The following IRAG1 variants were observed in gnomAD, a reference collection of about 807,000 sequenced individuals.
IRAG1 encodes the protein inositol 1,4,5-triphosphate receptor associated 1.
IRAG1 carries 62 observed loss-of-function variants against 106.2 expected under a neutral mutation model. That is an observed-to-expected ratio of 0.58 (90% CI 0.48 to 0.72). The LOEUF (loss-of-function observed/expected upper bound fraction) is 0.72. IRAG1 is among the 30% of genes least tolerant of loss of function. The pLI, the probability that IRAG1 is intolerant of heterozygous loss-of-function variation, is 0.00. For missense variants in IRAG1, 1,064 were observed against 1,140.7 expected (o/e 0.93, Z 0.97); for synonymous variants, 462 against 443.9 (o/e 1.04, Z -0.51).
At chr11:10,605,393 T>A (rs1361269363) in intron 12 of IRAG1, among the ~76,000 whole-genome samples, 5 of 152,334 alleles carry the variant, frequency 3.3e-5, no homozygotes, top group African/African-American at 1.2e-4. Context: ...CCAGAAGAAT[T>A]GAAGGTACAG....
chr11:10,642,404 G>C (rs1857580472), intron 2 of IRAG1, among the ~76,000 whole-genome samples: 1 of 152,214 alleles, frequency 6.6e-6, no homozygotes, highest in Non-Finnish European at 1.5e-5. Context: ...TTTCCCCAGA[G>C]TCACATGGCT....
Position 10,600,975 on chromosome 11 carries a change from G to A in IRAG1, c.1960C>T (p.Leu654Phe). The A allele has an allele frequency of 2.5e-6, 4 of 1,614,064 alleles. No individual in the cohort carries two copies. Among genetic ancestry groups the A allele is most frequent in the Non-Finnish European group, 3.4e-6 (4 of 1,179,904 alleles). ...TTTGCAAGCTTTTTAAACTCCATGA[G>A]CTCCGCATGGTCCTTCTCATACGTC... ...KRTYEKDHAE[L>F]MEFKKLANQN... is the part of the protein sequence containing the mutation. The change falls in exon 15 of 21, where the codon CTC (leucine) becomes TTC (phenylalanine). Residue 654 changes from leucine to phenylalanine, a missense_variant. Transcript: ENST00000423302.
At chr11:10,586,591 C>T (rs1359656368) in intron 18 of IRAG1, among the ~76,000 whole-genome samples, 1 of 152,006 alleles carries the variant, frequency 6.6e-6, no homozygotes, top group African/African-American at 2.4e-5. Context: ...CTAATATTTG[C>T]ATTTTTAGTA....
At chr11:10,649,399 A>G (rs1288923246) in intron 2 of IRAG1, among the ~76,000 whole-genome samples, 1 of 152,208 alleles carries the variant, frequency 6.6e-6, no homozygotes, top group East Asian at 1.9e-4. Context: ...TGGGCTGAAC[A>G]GGCAGAGTCT....
chr11:10,606,393 C>A (rs1436374584), intron 12 of IRAG1, among the ~76,000 whole-genome samples: 2 of 152,204 alleles, frequency 1.3e-5, no homozygotes, highest in Non-Finnish European at 2.9e-5. Context: ...TGAAATCTGA[C>A]CATTTTTCAG....
At chr11:10,690,981 C>T (rs1330672400) in intron 1 of IRAG1, among the ~76,000 whole-genome samples, 1 of 152,206 alleles carries the variant, frequency 6.6e-6, no homozygotes, top group Non-Finnish European at 1.5e-5. Flanking sequence ...ACCCAGGCCT[C>T]TGCTTCTATT....
intron 10 of IRAG1, chr11:10,616,990 G>C (rs1855484266): frequency 1.0e-6 from 1 of 981,086 alleles, no homozygotes; most frequent in Admixed American, 6.2e-5. Context: ...CTGAGTCCCA[G>C]GATGGTTCCT....
intron 1 of IRAG1, among the ~76,000 whole-genome samples, chr11:10,685,680 C>T (rs1861614061): frequency 6.6e-6 from 1 of 151,034 alleles, no homozygotes; most frequent in Non-Finnish European, 1.5e-5. Context: ...TGTGACTATA[C>T]CACTGCACTC....
chr11:10,627,743 G>T lies in IRAG1; in HGVS notation c.723C>A (p.Asp241Glu), dbSNP rs771020451. 1 of 1,613,952 alleles carries T rather than the reference G, an allele frequency of 6.2e-7. No homozygotes were observed. Among genetic ancestry groups the T allele is most frequent in the South Asian group, 1.1e-5 (1 of 91,082 alleles). ...GCTCGCCAGGGTGAGGTGAAGAGACGTCGGCCTCATCCCCCTTCTGCTGGA... is the reference window on the plus strand; with the variant it reads ...GCTCGCCAGGGTGAGGTGAAGAGACTTCGGCCTCATCCCCCTTCTGCTGGA... ...GAPPQKGDEA[D>E]VSSPHPGEPN... Residue 241 changes from aspartate (D) to glutamate (E), a missense_variant, in exon 8 of 21, where the codon GAC becomes GAA. By Grantham distance (45) the Asp-to-Glu change is conservative. Coordinates refer to ENST00000423302, the MANE Select transcript of IRAG1 (RefSeq NM_130385.4).
intron 12 of IRAG1, among the ~76,000 whole-genome samples, chr11:10,606,103 T>C (rs550624574): frequency 7.9e-5 from 12 of 152,356 alleles, no homozygotes; most frequent in African/African-American, 2.9e-4. Flanking sequence ...ATACTACCTG[T>C]GGTAGATACT....
Position 10,628,068 on chromosome 11 carries a change from G to A in IRAG1, c.653-43C>T. The stretch of plus-strand genomic sequence containing the variant: ...CTAGTGAGTGAGGCCCAGCAGCCCA[G>A]GCCCTCAGCTGTGCTTTCAGCCACA... On this transcript the variant is annotated intron_variant, in intron 6 of 20. Coordinates refer to ENST00000423302, the MANE Select transcript of IRAG1 (RefSeq NM_130385.4). This position sits in a 1 kb window ranked among gnomAD's most constrained non-coding sequence, Gnocchi z 4.1. 1.9e-6 allele frequency: 3 copies of A among 1,607,764 alleles called. No individual in the cohort carries two copies. Among genetic ancestry groups the A allele is most frequent in the Non-Finnish European group, 2.6e-6 (3 of 1,175,602 alleles).
intron 1 of IRAG1, among the ~76,000 whole-genome samples, chr11:10,669,302 C>A (rs1447428425): frequency 6.6e-6 from 1 of 152,130 alleles, no homozygotes; most frequent in African/African-American, 2.4e-5. Context: ...GACCTTGGGC[C>A]AGTCACCCGC....
At chr11:10,604,276 G>A (rs899842965) in intron 13 of IRAG1, 129 bp downstream of exon 13, 9 of 1,194,710 alleles carry the variant, frequency 7.5e-6, no homozygotes, top group Non-Finnish European at 9.4e-6. Context: ...GAGGAACACT[G>A]TCAGAGTCTT....
intron 2 of IRAG1, among the ~76,000 whole-genome samples, chr11:10,638,157 T>C (rs192141489): frequency 1.1e-3 from 161 of 152,352 alleles, no homozygotes; most frequent in African/African-American, 3.6e-3. Context: ...TAGAGACCCA[T>C]GTGCCTGTTT....
chr11:10,633,265 C>T (rs374186778), intron 3 of IRAG1, among the ~76,000 whole-genome samples: 17 of 152,040 alleles, frequency 1.1e-4, no homozygotes, highest in Middle Eastern at 3.2e-3. Context: ...GTAGTAGAGA[C>T]GTGGTTTCAC....
Position 10,658,988 on chromosome 11 carries a change from CGTCTGTGCTGTGCTCAGTCCCAG to C in IRAG1, c.68-6829_68-6807del, listed in dbSNP as rs1010553059. Among the ~76,000 whole-genome samples, 7 of 125,708 alleles carry C rather than the reference CGTCTGTGCTGTGCTCAGTCCCAG, an allele frequency of 5.6e-5. No homozygotes were observed. The South Asian group carries it at 1.1e-3, about 21-fold the overall frequency. 82.5% of individuals were successfully genotyped at this position (125,708 alleles called of 152,430 possible). ...CAAGGTCTGTGCTGTGGCTGCCCAA[CGTCTGTGCTGTGCTCAGTCCCAG>C]GTCTGTGCTGTGCTTGCCCCAGATC... On this transcript the variant is annotated intron_variant, in intron 1 of 20. Transcript: ENST00000423302.
At chr11:10,625,153 G>C (rs1770644738) in intron 9 of IRAG1, among the ~76,000 whole-genome samples, 1 of 152,208 alleles carries the variant, frequency 6.6e-6, no homozygotes, top group Non-Finnish European at 1.5e-5. Context: ...AATTGTGCTT[G>C]AGTGCTATCG....
chr11:10,594,115 A>C lies in IRAG1; in HGVS notation c.2067+31T>G, dbSNP rs373454144. On this transcript the variant is annotated intron_variant, in intron 16 of 20. Coordinates refer to ENST00000423302, the MANE Select transcript of IRAG1 (RefSeq NM_130385.4). Reference sequence around the variant, plus strand: ...TGGAAACTTCTGTCATACTCCTTCCAGGAGCCCTGGTATTCCTTGAACATG... The same window carrying C: ...TGGAAACTTCTGTCATACTCCTTCCCGGAGCCCTGGTATTCCTTGAACATG... 2.2e-4 allele frequency: 341 copies of C among 1,585,636 alleles called. 1 individual carries two copies. The highest frequency in any genetic ancestry group is 3.6e-4 in the Admixed American group (20 of 56,072).
intron 10 of IRAG1, among the ~76,000 whole-genome samples, chr11:10,610,152 T>C (rs1854821448): frequency 6.6e-6 from 1 of 152,248 alleles, no homozygotes. Context: ...CTTCCCACAG[T>C]ATTAAGCTGG....
Sources: gnomAD v4.1 joint callset for allele counts (sites outside exome capture counted in the v4.1 genomes callset) on GRCh38, gnomAD v4.1.1 for gene constraint, Gnocchi (gnomAD v3.1) non-coding constraint, MANE v1.5 for transcripts, NCBI Gene and HGNC (gene_info 2026-07-23, HGNC 2026-07-21) for gene names.